Variants in PPP3CC observed in about 807,000 individuals in gnomAD.
PPP3CC encodes the protein protein phosphatase 3 catalytic subunit gamma, also known as serine/threonine-protein phosphatase 2B catalytic subunit gamma isoform.
A neutral mutation model predicts 60.3 loss-of-function variants in PPP3CC; 35 were observed. The observed-to-expected ratio is 0.58, with a 90% CI of 0.44 to 0.77. The LOEUF is 0.77. Ranked by LOEUF, PPP3CC falls within the 30% of genes least tolerant of loss-of-function variation. The pLI is 0.00. For missense variants in PPP3CC, 570 were observed against 628.9 expected, an observed-to-expected ratio of 0.91 and a Z score of 1.00; for synonymous variants, 206 against 224.3, an observed-to-expected ratio of 0.92 and a Z score of 0.73.
chr8:22,509,694 GC>G (rs1455463527), intron 4 of PPP3CC, among the ~76,000 whole-genome samples: 9 of 152,140 alleles, frequency 5.9e-5, no homozygotes, highest in Admixed American at 5.9e-4. Flanking sequence ...AATTTATTAA[GC>G]CAAACATTTA....
intron 10 of PPP3CC, among the ~76,000 whole-genome samples, chr8:22,530,324 G>A (rs1160518055): frequency 6.6e-6 from 1 of 151,170 alleles, no homozygotes; most frequent in Non-Finnish European, 1.5e-5. Context: ...ATGTGATGGC[G>A]AGTGCTTCTG....
At chr8:22,443,962 A>G (rs181619702) in intron 1 of PPP3CC, among the ~76,000 whole-genome samples, 1 of 152,242 alleles carries the variant, frequency 6.6e-6, no homozygotes, top group Non-Finnish European at 1.5e-5. Flanking sequence ...ACCACACCCC[A>G]GCTATTTTTG....
intron 1 of PPP3CC, among the ~76,000 whole-genome samples, chr8:22,455,426 CTG>C (rs1274153268): frequency 6.6e-6 from 1 of 152,182 alleles, no homozygotes; most frequent in Non-Finnish European, 1.5e-5. Flanking sequence ...TTTAATCTGA[CTG>C]TGACTAGTGG....
intron 5 of PPP3CC, 85 bp from the exon 6 acceptor site, chr8:22,513,208 A>G (rs965969392): frequency 1.5e-6 from 2 of 1,352,562 alleles, no homozygotes; most frequent in Non-Finnish European, 2.0e-6. Context: ...TGTGGGTGAA[A>G]GGGGTTTTTC....
chr8:22,445,260 C>T (rs1349719217), intron 1 of PPP3CC, among the ~76,000 whole-genome samples: 1 of 152,132 alleles, frequency 6.6e-6, no homozygotes, highest in Non-Finnish European at 1.5e-5. Flanking sequence ...GCTATTTCTA[C>T]AAATATACCC....
At position 22,475,038 on chromosome 8, in the gene PPP3CC, A is replaced by G. The variant is rs745800385; in HGVS notation, c.134A>G (p.His45Arg). The change falls in exon 2 of 14, where the codon CAT (histidine) becomes CGT (arginine). Residue 45 changes from histidine to arginine, a missense_variant. His to Arg is a conservative substitution (Grantham distance 29). Transcript: ENST00000240139. Reference protein sequence around the residue: ...GKPKVDVLKNHLVKEGRLEEE... With the variant: ...GKPKVDVLKNRLVKEGRLEEE... ...CCTAAAGTTGATGTTTTAAAAAACC[A>G]TTTGGTAAAGGAAGGACGACTGGAA... is the stretch of plus-strand genomic sequence containing the variant. 1 of 1,613,276 alleles carries G rather than the reference A, an allele frequency of 6.2e-7. No individual in the cohort carries two copies. The highest frequency in any genetic ancestry group is 8.5e-7 in the Non-Finnish European group (1 of 1,179,434).
chr8:22,540,938 G>C lies in PPP3CC; in HGVS notation c.*136G>C, dbSNP rs1839945964. The C allele has an allele frequency of 1.3e-6, 1 of 754,046 alleles. No homozygotes were observed. The highest frequency in any genetic ancestry group is 1.8e-5 in the African/African-American group (1 of 55,186). 46.7% of individuals were successfully genotyped at this position (754,046 alleles called of 1,614,324 possible). The stretch of plus-strand genomic sequence containing the variant: ...TTATAATTCAGTCTGCATTTATTCT[G>C]TAAAAAGGTGGCTGTTTTATAAATT... On this transcript the variant is annotated 3_prime_UTR_variant, in exon 14 of 14. Coordinates refer to ENST00000240139, the MANE Select transcript of PPP3CC (RefSeq NM_005605.5).
intron 1 of PPP3CC, among the ~76,000 whole-genome samples, chr8:22,452,217 T>C (rs914694746): frequency 1.3e-5 from 2 of 151,988 alleles, no homozygotes; most frequent in Non-Finnish European, 2.9e-5. Flanking sequence ...TTTATTACTT[T>C]TTTGTAGTGA....
chr8:22,460,765 G>A (rs1277386831), intron 1 of PPP3CC, among the ~76,000 whole-genome samples: 1 of 152,170 alleles, frequency 6.6e-6, no homozygotes, highest in Non-Finnish European at 1.5e-5. Context: ...CGTGAGGCAT[G>A]ATCAAGCAGC....
rs1839464040 is a variant in PPP3CC, at chr8:22,523,522, A to C, written c.943+773A>C. On this transcript the variant is annotated intron_variant, in intron 8 of 13. Transcript: ENST00000240139. ...TTTGAAAATAAACATGCCAGAACAA[A>C]CATATCCAAATGAGTATTGTCCCTT... The C allele has an allele frequency of 1.7e-5, 4 of 231,960 alleles. No homozygotes were observed. The South Asian group carries it at 1.8e-4, about 10-fold the overall frequency. 14.4% of individuals were successfully genotyped at this position (231,960 alleles called of 1,614,324 possible).
At chr8:22,521,788 G>C (rs1201786768) in intron 6 of PPP3CC, among the ~76,000 whole-genome samples, 3 of 152,044 alleles carry the variant, frequency 2.0e-5, no homozygotes, top group African/African-American at 4.8e-5. Context: ...GTCATTCAGA[G>C]AGGTAATAGT....
At chr8:22,519,210 C>T (rs1036888234) in intron 6 of PPP3CC, among the ~76,000 whole-genome samples, 11 of 152,204 alleles carry the variant, frequency 7.2e-5, no homozygotes, top group South Asian at 4.1e-4. Context: ...TGTTCTCTTC[C>T]GGTTACTTAC....
chr8:22,500,707 A>C (rs1264847829), intron 4 of PPP3CC, among the ~76,000 whole-genome samples: 1 of 152,232 alleles, frequency 6.6e-6, no homozygotes, highest in Non-Finnish European at 1.5e-5. Context: ...GAAATTTTAG[A>C]GGATAATCAC....
chr8:22,503,374 C>A (rs1332259735), intron 4 of PPP3CC, among the ~76,000 whole-genome samples: 1 of 151,940 alleles, frequency 6.6e-6, no homozygotes, highest in Non-Finnish European at 1.5e-5. Flanking sequence ...TAACAAATGC[C>A]CTGGAATGTA....
chr8:22,523,361 A>G (rs1263545439), intron 8 of PPP3CC, among the ~76,000 whole-genome samples: 4 of 152,118 alleles, frequency 2.6e-5, no homozygotes, highest in Admixed American at 1.3e-4. Context: ...TTATCCTGTT[A>G]AAGTCTTTTT....
At chr8:22,529,647 C>G (rs899300899) in intron 10 of PPP3CC, among the ~76,000 whole-genome samples, 1 of 152,036 alleles carries the variant, frequency 6.6e-6, no homozygotes, top group Admixed American at 6.6e-5. Flanking sequence ...CCATGACCAG[C>G]TAATTTTTGT....
chr8:22,469,748 G>T (rs1837658061), intron 1 of PPP3CC, among the ~76,000 whole-genome samples: 1 of 152,028 alleles, frequency 6.6e-6, no homozygotes, highest in African/African-American at 2.4e-5. Context: ...TCCAGCCCCA[G>T]GTTGTCGAGT....
intron 1 of PPP3CC, among the ~76,000 whole-genome samples, chr8:22,465,654 G>T (rs1350317537): frequency 6.6e-6 from 1 of 152,082 alleles, no homozygotes. Context: ...CATGCCAGAT[G>T]CCTGGCCCCT....
intron 1 of PPP3CC, among the ~76,000 whole-genome samples, chr8:22,465,661 C>T (rs1837498684): frequency 6.6e-6 from 1 of 151,982 alleles, no homozygotes; most frequent in Non-Finnish European, 1.5e-5. Context: ...GATGCCTGGC[C>T]CCTCAATCTT....
Sources: gnomAD v4.1 joint callset for allele counts (sites outside exome capture counted in the v4.1 genomes callset) on GRCh38, gnomAD v4.1.1 for gene constraint, MANE v1.5 for transcripts, NCBI Gene and HGNC (gene_info 2026-07-23, HGNC 2026-07-21) for gene names.